The following SCD5 variants were observed in gnomAD, a reference collection of about 807,000 sequenced individuals.
SCD5 encodes the protein stearoyl-CoA desaturase 5, also known as acyl-CoA-desaturase 4.
In SCD5, 20 loss-of-function variants were observed where a neutral mutation model predicts 30.4. That is an observed-to-expected ratio of 0.66 (90% CI 0.46 to 0.96). The LOEUF (loss-of-function observed/expected upper bound fraction) is 0.96, where lower values mean the gene tolerates loss of function less well. Among genes scored for constraint, SCD5 ranks in the 40% least tolerant of loss-of-function variants. The pLI, the probability that SCD5 is intolerant of heterozygous loss-of-function variation, is 0.00. For synonymous variants in SCD5, 173 were observed against 176.4 expected, an observed-to-expected ratio of 0.98 and a Z score of 0.16; for missense variants, 381 against 443.3, an observed-to-expected ratio of 0.86 and a Z score of 1.26.
chr4:82,675,203 G>A (rs552864065), intron 3 of SCD5, among the ~76,000 whole-genome samples: 1 of 152,286 alleles, frequency 6.6e-6, no homozygotes, highest in South Asian at 2.1e-4. Flanking sequence ...GATAATGGGA[G>A]AGGCTATGCA....
intron 1 of SCD5, among the ~76,000 whole-genome samples, chr4:82,715,430 C>T (rs1720205446): frequency 6.6e-6 from 1 of 151,394 alleles, no homozygotes; most frequent in South Asian, 2.1e-4. Context: ...TGGGCTTCCT[C>T]TGGCTTCTAT....
At chr4:82,686,989 G>A (rs9996488) in intron 2 of SCD5, among the ~76,000 whole-genome samples, 121,314 of 151,818 alleles carry the variant, frequency 0.8, 48,683 homozygotes, top group Middle Eastern at 0.87. Flanking sequence ...TGGCCAATAT[G>A]GTGAAACCCT....
intron 2 of SCD5, among the ~76,000 whole-genome samples, chr4:82,687,545 C>T (rs1488977042): frequency 6.6e-6 from 1 of 152,182 alleles, no homozygotes; most frequent in African/African-American, 2.4e-5. Flanking sequence ...TGTCATCCTT[C>T]TTCTATCTTT....
At chr4:82,658,446 G>A (rs528580667) in intron 3 of SCD5, among the ~76,000 whole-genome samples, 32 of 146,500 alleles carry the variant, frequency 2.2e-4, no homozygotes, top group Non-Finnish European at 4.3e-4. Flanking sequence ...GGATGAAGCT[G>A]ACTTGATTGT....
intron 3 of SCD5, among the ~76,000 whole-genome samples, chr4:82,646,795 C>G (rs556558673): frequency 2.4e-4 from 37 of 152,332 alleles, no homozygotes; most frequent in Non-Finnish European, 4.9e-4. Context: ...TGAAATGCAG[C>G]AGAGAAAAGA....
chr4:82,669,343 C>G (rs553455133), intron 3 of SCD5, among the ~76,000 whole-genome samples: 1 of 151,180 alleles, frequency 6.6e-6, no homozygotes, highest in African/African-American at 2.4e-5. Flanking sequence ...TTCCAGTTTC[C>G]GGTTCCACAT....
intron 3 of SCD5, among the ~76,000 whole-genome samples, chr4:82,675,439 T>C (rs954444668): frequency 1.3e-5 from 2 of 152,204 alleles, no homozygotes; most frequent in African/African-American, 4.8e-5. Context: ...TCTAGATGTT[T>C]GAGTGCCTTT....
chr4:82,766,431 T>C lies in SCD5; in HGVS notation c.232+31875A>G, dbSNP rs78838983. On this transcript the variant is annotated intron_variant, in intron 1 of 4. Transcript: ENST00000319540. ...GTATTTTCCATCTCTAGAAGTTTAA[T>C]TTGGGTCTTTTTCAACAACTTCCAT... Among the ~76,000 whole-genome samples the C allele has an allele frequency of 8.0e-3, 1,223 of 152,362 alleles. 10 individuals carry two copies. The highest frequency in any genetic ancestry group is 0.015 in the Non-Finnish European group (991 of 68,030).
intron 3 of SCD5, among the ~76,000 whole-genome samples, chr4:82,656,676 A>C (rs934867020): frequency 7.2e-5 from 11 of 152,188 alleles, no homozygotes; most frequent in South Asian, 2.1e-4. Context: ...GAATCACCAC[A>C]CTGTCTTCCA....
chr4:82,789,164 T>C (rs1223438910), intron 1 of SCD5, among the ~76,000 whole-genome samples: 1 of 152,208 alleles, frequency 6.6e-6, no homozygotes, highest in African/African-American at 2.4e-5. Context: ...TCCTTGCTAT[T>C]TTTCCTCAGC....
chr4:82,643,632 T>C (rs1727586179), intron 3 of SCD5, among the ~76,000 whole-genome samples: 1 of 152,238 alleles, frequency 6.6e-6, no homozygotes, highest in South Asian at 2.1e-4. Flanking sequence ...GTTTTCTGTA[T>C]AGTGGTGATG....
intron 2 of SCD5, among the ~76,000 whole-genome samples, chr4:82,703,150 A>G (rs2148826943): frequency 6.6e-6 from 1 of 152,372 alleles, no homozygotes; most frequent in East Asian, 1.9e-4. Flanking sequence ...TGTCTGCCAC[A>G]TAGTAGGTGC....
At chr4:82,702,301 T>C (rs1400727047) in intron 2 of SCD5, among the ~76,000 whole-genome samples, 1 of 151,790 alleles carries the variant, frequency 6.6e-6, no homozygotes, top group East Asian at 1.9e-4. Context: ...TGCACCACCA[T>C]GCCCAGCTAA....
chr4:82,753,950 G>A (rs552716658), intron 1 of SCD5, among the ~76,000 whole-genome samples: 70 of 152,252 alleles, frequency 4.6e-4, no homozygotes, highest in African/African-American at 1.6e-3. Flanking sequence ...GGTTTGCCAA[G>A]CACTGAAGAC....
At chr4:82,751,767 C>G (rs1721107626) in intron 1 of SCD5, among the ~76,000 whole-genome samples, 1 of 152,182 alleles carries the variant, frequency 6.6e-6, no homozygotes, top group Non-Finnish European at 1.5e-5. Flanking sequence ...GCTGGGATTA[C>G]AGGCACGCGC....
At chr4:82,783,985 GA>G (rs1721934697) in intron 1 of SCD5, among the ~76,000 whole-genome samples, 1 of 151,882 alleles carries the variant, frequency 6.6e-6, no homozygotes, top group South Asian at 2.1e-4. Context: ...AAATGGTTCA[GA>G]AAAAAATATA....
At chr4:82,772,051 G>A (rs1721635563) in intron 1 of SCD5, among the ~76,000 whole-genome samples, 2 of 152,170 alleles carry the variant, frequency 1.3e-5, no homozygotes, top group African/African-American at 2.4e-5. Flanking sequence ...GAGTCTCGAA[G>A]GGCAAAGAAT....
intron 1 of SCD5, among the ~76,000 whole-genome samples, chr4:82,749,252 T>C (rs927066282): frequency 1.3e-5 from 2 of 152,176 alleles, no homozygotes; most frequent in African/African-American, 4.8e-5. Flanking sequence ...GTAAAGCTAG[T>C]GGAATATAGT....
chr4:82,797,217 C>T (rs550119488), intron 1 of SCD5, among the ~76,000 whole-genome samples: 2 of 152,168 alleles, frequency 1.3e-5, no homozygotes, highest in Non-Finnish European at 2.9e-5. Context: ...TTCCTCTTCC[C>T]CTCTGGAAAT....
Sources: gnomAD v4.1 joint callset for allele counts (sites outside exome capture counted in the v4.1 genomes callset) on GRCh38, gnomAD v4.1.1 for gene constraint, MANE v1.5 for transcripts, NCBI Gene and HGNC (gene_info 2026-07-23, HGNC 2026-07-21) for gene names.